Variants in NCKAP5 observed in about 807,000 individuals in gnomAD.
NCKAP5 encodes NCK associated protein 5.
A neutral mutation model predicts 167.0 loss-of-function variants in NCKAP5; 92 were observed. The ratio of observed to expected loss-of-function variants is 0.55; its 90% CI spans 0.47 to 0.66. The LOEUF (loss-of-function observed/expected upper bound fraction) is 0.66. Ranked by LOEUF, NCKAP5 falls within the 30% of genes least tolerant of loss-of-function variation. The pLI is 0.00. For missense variants in NCKAP5, 2,378 were observed against 2,315.0 expected (o/e 1.03, Z -0.56); for synonymous variants, 891 against 877.4 (o/e 1.02, Z -0.27).
chr2:133,609,346 G>T, the NCKAP5 span, among the ~76,000 whole-genome samples: 1 of 152,202 alleles, frequency 6.6e-6, no homozygotes, highest in African/African-American at 2.4e-5. Flanking sequence ...AATAAACAAT[G>T]TCATATTTAA....
intron 3 of NCKAP5, among the ~76,000 whole-genome samples, chr2:133,307,965 T>C (rs986864986): frequency 1.5e-5 from 2 of 134,330 alleles, no homozygotes; most frequent in Non-Finnish European, 3.3e-5. Flanking sequence ...AAGTGGAATA[T>C]ACATTATCTA....
chr2:133,548,352 T>A (rs376756105), intron 2 of NCKAP5, among the ~76,000 whole-genome samples: 1 of 152,000 alleles, frequency 6.6e-6, no homozygotes, highest in African/African-American at 2.4e-5. Flanking sequence ...GGCAGGCCAA[T>A]GTTCAGATTC....
At chr2:132,861,655 C>T (rs750967745) in intron 10 of NCKAP5, among the ~76,000 whole-genome samples, 2 of 152,134 alleles carry the variant, frequency 1.3e-5, no homozygotes, top group Non-Finnish European at 2.9e-5. Context: ...CCATATTTGG[C>T]TCTTTGATTG....
chr2:133,070,143 C>T (rs2080340024), intron 6 of NCKAP5, among the ~76,000 whole-genome samples: 2 of 152,228 alleles, frequency 1.3e-5, no homozygotes, highest in Non-Finnish European at 2.9e-5. Flanking sequence ...TGTATCATTT[C>T]AGTGTGAGTT....
chr2:133,634,564 G>C, the NCKAP5 span, among the ~76,000 whole-genome samples: 1 of 152,152 alleles, frequency 6.6e-6, no homozygotes, highest in Non-Finnish European at 1.5e-5. Flanking sequence ...AAATTTGCAA[G>C]CTAGGGTATC....
intron 2 of NCKAP5, among the ~76,000 whole-genome samples, chr2:133,553,141 T>C (rs1173066227): frequency 6.6e-6 from 1 of 152,114 alleles, no homozygotes; most frequent in South Asian, 2.1e-4. Flanking sequence ...ACGGGCAGGA[T>C]ATAAGTGGGA....
At chr2:132,800,761 T>C (rs1684963556) in intron 11 of NCKAP5, among the ~76,000 whole-genome samples, 2 of 152,304 alleles carry the variant, frequency 1.3e-5, no homozygotes, top group South Asian at 4.1e-4. Context: ...CCTTGAGGAA[T>C]TGGACTGCCT....
intron 4 of NCKAP5, among the ~76,000 whole-genome samples, chr2:133,292,775 C>T (rs759753536): frequency 1.3e-5 from 2 of 152,128 alleles, no homozygotes; most frequent in Non-Finnish European, 2.9e-5. Context: ...AAGCTTCTTG[C>T]GGTGGCAGTA....
At chr2:132,893,575 G>A (rs751704945) in intron 8 of NCKAP5, among the ~76,000 whole-genome samples, 3 of 152,114 alleles carry the variant, frequency 2.0e-5, no homozygotes, top group Non-Finnish European at 4.4e-5. Flanking sequence ...CTTCCAACAT[G>A]ATTCTACATA....
Position 132,790,147 on chromosome 2 carries a change from G to T in NCKAP5, c.968C>A (p.Pro323His). ...GCTGTTTCGAGGACAGAGATGACCAGGGATGACAGCCCCCAAGCCAGGGCA... is the reference window on the plus strand; with the variant it reads ...GCTGTTTCGAGGACAGAGATGACCATGGATGACAGCCCCCAAGCCAGGGCA... ...LKCPGLGAVIPGHLCPRNSYS... is the reference protein window; with the variant it reads ...LKCPGLGAVIHGHLCPRNSYS... The change falls in exon 13 of 20, where the codon CCT becomes CAT. Residue 323 changes from proline (P) to histidine (H), a missense_variant. Physicochemically the swap from Pro to His is moderately conservative, Grantham distance 77. Transcript: ENST00000409261. The T allele has an allele frequency of 6.2e-7, 1 of 1,613,710 alleles. No homozygotes were observed.
Position 132,963,858 on chromosome 2 carries a change from T to C in NCKAP5, c.441A>G (p.Ser147=), listed in dbSNP as rs768948091. Residue 147 remains serine, a synonymous_variant, in exon 8 of 20, where the codon TCA becomes TCG. Coordinates refer to ENST00000409261, the MANE Select transcript of NCKAP5 (RefSeq NM_207363.3). ...VNIMVYQEKL[S]EEERKHKEAL... ...CTTCCTTATGTTTTCTCTCTTCCTC[T>C]GACAGCTTTTCCTGAAGCAAGAAAG... is the stretch of plus-strand genomic sequence containing the variant. The C allele has an allele frequency of 1.2e-6, 2 of 1,613,700 alleles. No homozygotes were observed. The highest frequency in any genetic ancestry group is 2.2e-5 in the South Asian group (2 of 91,064).
chr2:133,655,857 C>T, the NCKAP5 span, among the ~76,000 whole-genome samples: 1 of 152,070 alleles, frequency 6.6e-6, no homozygotes, highest in Non-Finnish European at 1.5e-5. Context: ...GTACACGAGC[C>T]AAAAGAGCTT....
At chr2:133,584,211 CA>C in the NCKAP5 span, among the ~76,000 whole-genome samples, 1 of 152,194 alleles carries the variant, frequency 6.6e-6, no homozygotes, top group African/African-American at 2.4e-5. Context: ...TGCACACACA[CA>C]CATAAAATGA....
intron 13 of NCKAP5, among the ~76,000 whole-genome samples, chr2:132,789,148 G>C (rs760716263): frequency 6.6e-5 from 10 of 152,208 alleles, no homozygotes; most frequent in Non-Finnish European, 1.0e-4. Context: ...AAAAGAAAGT[G>C]AAAAGCCTTT....
rs148485880 is a variant in NCKAP5 at position 132,919,863 on chromosome 2, A to T, written c.580-40947T>A. On this transcript the variant is annotated intron_variant, in intron 8 of 19. Transcript: ENST00000409261. ...CTGGAAGATGCTGAGTCTATTTTTC[A>T]CACAGCTCCAGAATGAGCAGTAAGT... is the stretch of plus-strand genomic sequence containing the variant. Among the ~76,000 whole-genome samples, 83 of 152,324 alleles carry T rather than the reference A, an allele frequency of 5.4e-4. 2 individuals are homozygous for T. Among genetic ancestry groups the T allele is most frequent in the African/African-American group, 1.8e-3 (75 of 41,576 alleles).
intron 2 of NCKAP5, among the ~76,000 whole-genome samples, chr2:133,546,983 G>A (rs1686746192): frequency 6.6e-6 from 1 of 152,196 alleles, no homozygotes; most frequent in South Asian, 2.1e-4. Flanking sequence ...TATCTCACTA[G>A]GGAGTGCCAG....
intron 16 of NCKAP5, among the ~76,000 whole-genome samples, chr2:132,740,198 A>G (rs1160869919): frequency 2.0e-5 from 3 of 152,210 alleles, no homozygotes. Context: ...TCAGCCAAAC[A>G]TACAATGAGG....
chr2:132,863,781 G>C (rs989316719), intron 10 of NCKAP5, among the ~76,000 whole-genome samples: 4 of 152,188 alleles, frequency 2.6e-5, no homozygotes, highest in African/African-American at 9.7e-5. Flanking sequence ...ATTTTCTTCA[G>C]ACAAGCTGTG....
chr2:133,225,362 C>T (rs2086836754), intron 4 of NCKAP5, among the ~76,000 whole-genome samples: 1 of 152,190 alleles, frequency 6.6e-6, no homozygotes, highest in African/African-American at 2.4e-5. Flanking sequence ...TTTCAATTAT[C>T]TATGCCTCTG....
Sources: gnomAD v4.1 joint callset for allele counts (sites outside exome capture counted in the v4.1 genomes callset) on GRCh38, gnomAD v4.1.1 for gene constraint, MANE v1.5 for transcripts, NCBI Gene and HGNC (gene_info 2026-07-23, HGNC 2026-07-21) for gene names.